Variants in HECW1 observed in about 807,000 individuals in gnomAD.
HECW1 encodes the protein E3 ubiquitin-protein ligase HECW1.
Under a neutral mutation model 182.3 loss-of-function variants are expected in HECW1, and 61 were observed. The ratio of observed to expected loss-of-function variants is 0.33; its 90% confidence interval spans 0.27 to 0.41. The LOEUF is 0.41. HECW1 is among the 10% of genes least tolerant of loss of function. The pLI is 1.00. For missense variants in HECW1, 1,739 were observed against 2,108.9 expected (o/e 0.82, Z 3.44); for synonymous variants, 859 against 832.6 (o/e 1.03, Z -0.55).
intron 2 of HECW1, among the ~76,000 whole-genome samples, chr7:43,134,892 T>C (rs369583430): frequency 7.2e-5 from 11 of 152,344 alleles, no homozygotes; most frequent in African/African-American, 2.6e-4. Context: ...GTTTTTCTAC[T>C]TGGGTACATT....
intron 2 of HECW1, among the ~76,000 whole-genome samples, chr7:43,190,528 T>C (rs1793814774): frequency 6.6e-6 from 1 of 152,232 alleles, no homozygotes; most frequent in South Asian, 2.1e-4. Context: ...ATGAAATACA[T>C]TGATACAGTG....
At chr7:43,141,937 A>G (rs1788202027) in intron 2 of HECW1, among the ~76,000 whole-genome samples, 1 of 152,176 alleles carries the variant, frequency 6.6e-6, no homozygotes, top group Non-Finnish European at 1.5e-5. Context: ...GATTCCTCCC[A>G]CTGGCTCTAA....
At chr7:43,241,702 C>A (rs1226717289) in intron 2 of HECW1, among the ~76,000 whole-genome samples, 2 of 151,330 alleles carry the variant, frequency 1.3e-5, no homozygotes, top group African/African-American at 4.9e-5. Context: ...ACAGTGAGCA[C>A]ACCCTATACC....
chr7:43,415,062 C>T (rs1451106756), intron 8 of HECW1, among the ~76,000 whole-genome samples: 9 of 151,080 alleles, frequency 6.0e-5, no homozygotes, highest in Non-Finnish European at 1.2e-4. Flanking sequence ...TGAATTTGAT[C>T]CTGTCATTAT....
At chr7:43,209,571 C>T (rs953070232) in intron 2 of HECW1, among the ~76,000 whole-genome samples, 5 of 152,112 alleles carry the variant, frequency 3.3e-5, no homozygotes, top group African/African-American at 7.2e-5. Flanking sequence ...CAAGAAAGAG[C>T]CTCCTTGCCC....
At chr7:43,547,968 G>A (rs1054375012) in intron 26 of HECW1, among the ~76,000 whole-genome samples, 5 of 152,132 alleles carry the variant, frequency 3.3e-5, no homozygotes, top group South Asian at 2.1e-4. Context: ...CAACACTTGC[G>A]TTCATCGCAA....
intron 3 of HECW1, among the ~76,000 whole-genome samples, chr7:43,309,777 A>G (rs746232735): frequency 2.0e-5 from 3 of 152,222 alleles, no homozygotes; most frequent in Non-Finnish European, 4.4e-5. Flanking sequence ...ATGCAAGTTC[A>G]TAAGAGTGAG....
At chr7:43,373,022 A>C (rs2074174131) in intron 6 of HECW1, among the ~76,000 whole-genome samples, 1 of 152,134 alleles carries the variant, frequency 6.6e-6, no homozygotes, top group Non-Finnish European at 1.5e-5. Flanking sequence ...GAGATGAAGA[A>C]AGTGCTTAGG....
At chr7:43,530,184 C>G (rs2080924991) in intron 24 of HECW1, among the ~76,000 whole-genome samples, 1 of 149,018 alleles carries the variant, frequency 6.7e-6, no homozygotes, top group African/African-American at 2.5e-5. Flanking sequence ...TTTCAAACTC[C>G]TGACCTCAGG....
chr7:43,323,147 T>G (rs961736119), intron 5 of HECW1, among the ~76,000 whole-genome samples: 14 of 152,232 alleles, frequency 9.2e-5, no homozygotes, highest in African/African-American at 3.4e-4. Flanking sequence ...GAATTTGTGT[T>G]GTAAATTAAT....
At chr7:43,283,045 G>C (rs1425545767) in intron 3 of HECW1, among the ~76,000 whole-genome samples, 1 of 151,900 alleles carries the variant, frequency 6.6e-6, no homozygotes. Context: ...TTGAACCTGG[G>C]AGGCAGAGGT....
At chr7:43,538,226 G>A (rs971353131) in intron 24 of HECW1, among the ~76,000 whole-genome samples, 1 of 152,168 alleles carries the variant, frequency 6.6e-6, no homozygotes, top group African/African-American at 2.4e-5. Flanking sequence ...TGAGAGAGGA[G>A]AAATGAGCTT....
chr7:43,125,257 T>C lies in HECW1; in HGVS notation c.-32+10866T>C, dbSNP rs112241144. Among the ~76,000 whole-genome samples the C allele has an allele frequency of 1.1e-4, 16 of 152,284 alleles. 1 individual carries two copies. Among genetic ancestry groups the C allele is most frequent in the African/African-American group, 3.6e-4 (15 of 41,550 alleles). On this transcript the variant is annotated intron_variant, in intron 2 of 29. Coordinates refer to ENST00000395891, the MANE Select transcript of HECW1 (RefSeq NM_015052.5). The stretch of plus-strand genomic sequence containing the variant: ...GAGTTAGGATTCCAACATGCGAATT[T>C]GAGGGGTGCAAACATTCAGTCTCTA...
intron 2 of HECW1, among the ~76,000 whole-genome samples, chr7:43,140,507 C>T (rs1452149219): frequency 1.3e-5 from 2 of 152,204 alleles, no homozygotes; most frequent in East Asian, 3.8e-4. Flanking sequence ...TGAAGAACCA[C>T]ACATCGAATC....
At position 43,479,749 on chromosome 7, in the gene HECW1, C is replaced by A; in HGVS notation, c.3234+5C>A. The A allele has an allele frequency of 1.9e-6, 3 of 1,614,002 alleles. No homozygotes were observed. Among genetic ancestry groups the A allele is most frequent in the Non-Finnish European group, 2.5e-6 (3 of 1,179,906 alleles). On this transcript the variant is annotated splice_donor_5th_base_variant and intron_variant, in intron 17 of 29. Transcript: ENST00000395891. ...CGAAGTTACAGCGCTGGAGAGGTAA[C>A]CCTCCCTACACCCCGCCCTACTGTT...
chr7:43,183,414 A>G (rs1163633600), intron 2 of HECW1, among the ~76,000 whole-genome samples: 1 of 152,210 alleles, frequency 6.6e-6, no homozygotes, highest in Non-Finnish European at 1.5e-5. Flanking sequence ...TACACAATGT[A>G]GACTCATTAT....
intron 24 of HECW1, among the ~76,000 whole-genome samples, chr7:43,513,849 A>AGT: frequency 6.6e-6 from 1 of 152,160 alleles, no homozygotes; most frequent in South Asian, 2.1e-4. Flanking sequence ...ATTCAGGCCA[A>AGT]AGAGAAAGAG....
intron 6 of HECW1, among the ~76,000 whole-genome samples, chr7:43,390,625 G>C (rs1445169355): frequency 6.6e-6 from 1 of 151,780 alleles, no homozygotes; most frequent in Non-Finnish European, 1.5e-5. Flanking sequence ...AGCCAGGCTA[G>C]ATCTGAGGAA....
intron 6 of HECW1, among the ~76,000 whole-genome samples, chr7:43,362,618 C>CT (rs777221788): frequency 1.3e-5 from 2 of 152,342 alleles, no homozygotes; most frequent in East Asian, 3.9e-4. Flanking sequence ...GTCCTGACAC[C>CT]TGTTAGCCAA....
Sources: gnomAD v4.1 joint callset for allele counts (sites outside exome capture counted in the v4.1 genomes callset) on GRCh38, gnomAD v4.1.1 for gene constraint, MANE v1.5 for transcripts, NCBI Gene and HGNC (gene_info 2026-07-23, HGNC 2026-07-21) for gene names.